The following IFT140 variants were observed in gnomAD, a reference collection of about 807,000 sequenced individuals.
IFT140 encodes the protein intraflagellar transport protein 140 homolog.
IFT140 carries 133 observed loss-of-function variants against 164.6 expected under a neutral mutation model. The ratio of observed to expected loss-of-function variants is 0.81; its 90% CI spans 0.70 to 0.93. The LOEUF (loss-of-function observed/expected upper bound fraction) is 0.93, where lower values mean the gene tolerates loss of function less well. Among genes scored for constraint, IFT140 ranks in the 40% least tolerant of loss-of-function variants. The pLI, the probability that IFT140 is intolerant of heterozygous loss-of-function variation, is 0.00. For synonymous variants in IFT140, 860 were observed against 817.3 expected (o/e 1.05, Z -0.89); for missense variants, 2,045 against 1,972.3 (o/e 1.04, Z -0.70).
intron 10 of IFT140, 46 bp from the exon 11 acceptor site, chr16:1,584,466 G>A: frequency 6.8e-7 from 1 of 1,479,092 alleles, no homozygotes; most frequent in Non-Finnish European, 9.2e-7. Context: ...TGTGAACAGA[G>A]CAGGAGAAAG....
chr16:1,562,600 C>T (rs918683389), intron 17 of IFT140, among the ~76,000 whole-genome samples: 7 of 152,144 alleles, frequency 4.6e-5, no homozygotes, highest in African/African-American at 7.2e-5. Context: ...GATGAAACCC[C>T]GTCTCTACTA....
intron 19 of IFT140, chr16:1,554,008 C>T (rs1396228467): frequency 7.8e-7 from 1 of 1,287,214 alleles, no homozygotes; most frequent in South Asian, 1.2e-5. Flanking sequence ...AAGGGTTGCT[C>T]ACGGCCCACC....
In IFT140 at chr16:1,523,944, C is replaced by T. The variant is rs1378778051; in HGVS notation, c.3154G>A (p.Asp1052Asn). ...AIRLCKENGL[D>N]DQLMNLALLS... ...AGGGCCAAGTTCATGAGCTGGTCGT[C>T]CAGGCCGTTCTCCTGCAGGGAGGGA... The change falls in exon 25 of 31, where the codon GAC (aspartate) becomes AAC (asparagine). Residue 1052 changes from aspartate to asparagine, a missense_variant. By Grantham distance (23) the Asp-to-Asn change is conservative (BLOSUM62 1). Coordinates refer to ENST00000426508, the MANE Select transcript of IFT140 (RefSeq NM_014714.4). The T allele has an allele frequency of 1.9e-6, 3 of 1,612,304 alleles. No individual in the cohort carries two copies. The highest frequency in any genetic ancestry group is 8.5e-7 in the Non-Finnish European group (1 of 1,179,950).
At chr16:1,603,379 C>T (rs181861278) in intron 3 of IFT140, among the ~76,000 whole-genome samples, 1 of 152,194 alleles carries the variant, frequency 6.6e-6, no homozygotes. Context: ...CAGGTTAGTG[C>T]CATTCATACT....
At chr16:1,525,847 T>A in intron 21 of IFT140, 40 bp downstream of exon 21, 2 of 1,484,604 alleles carry the variant, frequency 1.3e-6, no homozygotes, top group South Asian at 1.3e-5. Flanking sequence ...GCCAGGGCCA[T>A]CCAGAGAGGC....
At chr16:1,572,502 C>T (rs552791143) in intron 13 of IFT140, among the ~76,000 whole-genome samples, 95 of 152,096 alleles carry the variant, frequency 6.2e-4, no homozygotes, top group Admixed American at 2.4e-3. Flanking sequence ...AAAAATTAGC[C>T]GGGTGTGGCG....
intron 13 of IFT140, among the ~76,000 whole-genome samples, chr16:1,575,441 C>T (rs773932113): frequency 1.6e-4 from 24 of 151,974 alleles, no homozygotes; most frequent in Non-Finnish European, 2.8e-4. Flanking sequence ...TATGGTCCCA[C>T]GCTCAGGAGG....
intron 13 of IFT140, among the ~76,000 whole-genome samples, chr16:1,574,929 T>A (rs2034199967): frequency 6.6e-6 from 1 of 152,214 alleles, no homozygotes; most frequent in Admixed American, 6.5e-5. Flanking sequence ...ACAGCAGCCA[T>A]GCATCTGCAT....
At chr16:1,588,097 GTC>G in intron 7 of IFT140, 73 bp from the exon 8 acceptor site, 1 of 1,253,514 alleles carries the variant, frequency 8.0e-7, no homozygotes, top group Non-Finnish European at 1.1e-6. Context: ...GGAGCCTGGA[GTC>G]TCTGGTCCTC....
At position 1,526,980 on chromosome 16, in the gene IFT140, C is replaced by T. The variant is rs564710073; in HGVS notation, c.2400-184G>A. The stretch of plus-strand genomic sequence containing the variant: ...AGGCCATGCAGAGAGGTGCCCGTCA[C>T]GAGTCCCACGGCCTTCCTAACCCCA... On this transcript the variant is annotated intron_variant, in intron 19 of 30. Transcript: ENST00000426508. 8.3e-6 allele frequency: 5 copies of T among 604,446 alleles called. No individual in the cohort carries two copies. In the East Asian group the frequency reaches 8.8e-5, roughly 11 times the overall value. 37.4% of individuals were successfully genotyped at this position (604,446 alleles called of 1,614,324 possible). A position where few individuals can be genotyped will look rare whatever the true frequency, so the allele number is the denominator to read the frequency against.
At chr16:1,528,518 C>T (rs1203573770) in intron 19 of IFT140, among the ~76,000 whole-genome samples, 1 of 151,768 alleles carries the variant, frequency 6.6e-6, no homozygotes, top group Non-Finnish European at 1.5e-5. Flanking sequence ...CAGGCACACA[C>T]ACAGGCACAC....
At chr16:1,555,111 C>G (rs1389322540) in intron 19 of IFT140, 3 of 1,503,992 alleles carry the variant, frequency 2.0e-6, no homozygotes, top group Non-Finnish European at 2.7e-6. Flanking sequence ...CAAGTCACTT[C>G]CCCTGCTCGT....
At chr16:1,518,088 T>G in intron 30 of IFT140, 128 bp downstream of exon 30, 1 of 883,544 alleles carries the variant, frequency 1.1e-6, no homozygotes, top group South Asian at 1.7e-5. Context: ...TTCTCCTGCC[T>G]CAGCCTCCCA....
At chr16:1,577,374 T>C (rs1480824738) in intron 13 of IFT140, 1 of 152,258 alleles carries the variant, frequency 6.6e-6, no homozygotes, top group Non-Finnish European at 1.5e-5. Context: ...ACTGTAAGAA[T>C]GCACTATGTA....
intron 19 of IFT140, among the ~76,000 whole-genome samples, chr16:1,529,414 T>C (rs1473724530): frequency 6.6e-6 from 1 of 152,310 alleles, no homozygotes; most frequent in South Asian, 2.1e-4. Context: ...AGCACCTGGG[T>C]GCACCCACTG....
At position 1,562,073 on chromosome 16, in the gene IFT140, C is replaced by G. The variant is rs760967482; in HGVS notation, c.2111G>C (p.Gly704Ala). ...GGGGAAGCTCTCATGAAGCAGGAAG[C>G]CGTGCTCTTCGGAAATGAAGAAGGA... ...ILSFFISEEH[G>A]FLLHESFPRP... Residue 704 changes from glycine (G) to alanine (A), a missense_variant, in exon 18 of 31, where the codon GGC becomes GCC. Gly to Ala is a moderately conservative substitution (Grantham distance 60). Transcript: ENST00000426508. 20 of 1,611,588 alleles carry G rather than the reference C, an allele frequency of 1.2e-5. No homozygotes were observed. Among genetic ancestry groups the G allele is most frequent in the Non-Finnish European group, 1.7e-5 (20 of 1,178,876 alleles).
intron 13 of IFT140, among the ~76,000 whole-genome samples, chr16:1,573,374 C>T (rs1024584264): frequency 6.6e-6 from 1 of 151,920 alleles, no homozygotes; most frequent in Non-Finnish European, 1.5e-5. Flanking sequence ...CAGATCTGAG[C>T]TCAACTCTTT....
At chr16:1,565,090 A>G (rs1032558047) in intron 16 of IFT140, among the ~76,000 whole-genome samples, 1 of 152,036 alleles carries the variant, frequency 6.6e-6, no homozygotes, top group Non-Finnish European at 1.5e-5. Context: ...GCAGAAAGGA[A>G]CTCAGAGGCT....
At chr16:1,528,379 GCA>G (rs1342165658) in intron 19 of IFT140, among the ~76,000 whole-genome samples, 1 of 117,242 alleles carries the variant, frequency 8.5e-6, no homozygotes, top group African/African-American at 3.6e-5. Context: ...ACGCATGCAC[GCA>G]CGTGTGCACA....
Sources: allele counts gnomAD v4.1 joint callset (sites outside exome capture counted in the v4.1 genomes callset), GRCh38; gene constraint gnomAD v4.1.1; transcripts MANE v1.5; gene names NCBI Gene and HGNC (gene_info 2026-07-23, HGNC 2026-07-21).